Variants in UBE2E2 observed in about 807,000 individuals in gnomAD.
UBE2E2 encodes ubiquitin-conjugating enzyme E2 E2.
UBE2E2 carries 6 observed loss-of-function variants against 24.7 expected under a neutral mutation model. The observed-to-expected ratio is 0.24, with a 90% CI of 0.13 to 0.48. The LOEUF (loss-of-function observed/expected upper bound fraction) is 0.48. Ranked by LOEUF, UBE2E2 falls within the 20% of genes least tolerant of loss-of-function variation. UBE2E2 has a pLI of 0.99. For synonymous variants in UBE2E2, 104 were observed against 83.6 expected (o/e 1.24, Z -1.33); for missense variants, 169 against 245.0 (o/e 0.69, Z 2.07).
chr3:23,520,988 T>G (rs1694850553), intron 4 of UBE2E2, among the ~76,000 whole-genome samples: 1 of 152,184 alleles, frequency 6.6e-6, no homozygotes, highest in South Asian at 2.1e-4. Context: ...ACTTCTACAC[T>G]TTTGTAGGCT....
At chr3:23,515,559 C>T (rs1023773784) in intron 4 of UBE2E2, among the ~76,000 whole-genome samples, 2 of 152,042 alleles carry the variant, frequency 1.3e-5, no homozygotes, top group African/African-American at 2.4e-5. Flanking sequence ...CCTGGCAATT[C>T]GATTAGTATG....
At chr3:23,493,446 A>G (rs1444901904) in intron 3 of UBE2E2, among the ~76,000 whole-genome samples, 1 of 152,162 alleles carries the variant, frequency 6.6e-6, no homozygotes, top group East Asian at 1.9e-4. Context: ...GCCAAATCGT[A>G]ATTTGCTGAT....
chr3:23,232,570 C>A (rs1205492735), intron 3 of UBE2E2, among the ~76,000 whole-genome samples: 1 of 152,060 alleles, frequency 6.6e-6, no homozygotes, highest in Non-Finnish European at 1.5e-5. Flanking sequence ...CTTGCATCCT[C>A]AAAAATTGAA....
intron 3 of UBE2E2, among the ~76,000 whole-genome samples, chr3:23,376,183 G>C (rs1246427015): frequency 6.6e-6 from 1 of 152,078 alleles, no homozygotes; most frequent in African/African-American, 2.4e-5. Flanking sequence ...TTTCAGGTGG[G>C]CCACTATCTA....
At chr3:23,216,993 A>G (rs1337640811) in intron 2 of UBE2E2, among the ~76,000 whole-genome samples, 1 of 152,130 alleles carries the variant, frequency 6.6e-6, no homozygotes, top group East Asian at 1.9e-4. Flanking sequence ...AGCTTTAGAA[A>G]TTTTAATTAG....
intron 3 of UBE2E2, among the ~76,000 whole-genome samples, chr3:23,218,392 C>G (rs919086023): frequency 1.3e-5 from 2 of 151,960 alleles, no homozygotes; most frequent in Non-Finnish European, 2.9e-5. Context: ...TTTTGTCACT[C>G]TTAGGACTGT....
intron 3 of UBE2E2, among the ~76,000 whole-genome samples, chr3:23,443,947 A>C (rs1698364390): frequency 6.6e-6 from 1 of 152,140 alleles, no homozygotes; most frequent in Admixed American, 6.5e-5. Context: ...ACTGTCCGAA[A>C]GACTTTAGAC....
intron 3 of UBE2E2, among the ~76,000 whole-genome samples, chr3:23,289,339 ATACTT>A (rs1559334567): frequency 6.6e-6 from 1 of 152,214 alleles, no homozygotes; most frequent in Non-Finnish European, 1.5e-5. Flanking sequence ...GAAATCTTTT[ATACTT>A]TAAAGTTGAG....
intron 3 of UBE2E2, among the ~76,000 whole-genome samples, chr3:23,355,370 TATA>T (rs1208939255): frequency 2.6e-5 from 4 of 152,148 alleles, no homozygotes; most frequent in Non-Finnish European, 4.4e-5. Context: ...AAACTTAAAG[TATA>T]ATAATAATGA....
chr3:23,217,720 A>G (rs1482445009), intron 3 of UBE2E2, among the ~76,000 whole-genome samples: 1 of 152,072 alleles, frequency 6.6e-6, no homozygotes, highest in African/African-American at 2.4e-5. Flanking sequence ...AGACACATTA[A>G]ACAGTGTTTC....
At chr3:23,310,099 GAT>G (rs1377521531) in intron 3 of UBE2E2, among the ~76,000 whole-genome samples, 2 of 152,082 alleles carry the variant, frequency 1.3e-5, no homozygotes, top group Non-Finnish European at 2.9e-5. Flanking sequence ...TGAAGGGAGA[GAT>G]ATCACAGAAT....
intron 3 of UBE2E2, among the ~76,000 whole-genome samples, chr3:23,292,178 C>G (rs1047009694): frequency 6.6e-6 from 1 of 151,964 alleles, no homozygotes; most frequent in Non-Finnish European, 1.5e-5. Context: ...GGGGTTTTGC[C>G]GTGTTGCCTA....
At chr3:23,236,842 G>A (rs1697126816) in intron 3 of UBE2E2, among the ~76,000 whole-genome samples, 1 of 152,044 alleles carries the variant, frequency 6.6e-6, no homozygotes, top group Non-Finnish European at 1.5e-5. Flanking sequence ...TGTGTGCAGA[G>A]GCCAAATAGT....
Position 23,257,749 on chromosome 3 carries a change from C to T in UBE2E2, c.227+40437C>T, listed in dbSNP as rs1452601991. Among the ~76,000 whole-genome samples, 3 of 151,838 alleles carry T rather than the reference C, an allele frequency of 2.0e-5. No homozygotes were observed. The East Asian group carries it at 5.8e-4, about 29-fold the overall frequency. On this transcript the variant is annotated intron_variant, in intron 3 of 5. Transcript: ENST00000396703. The stretch of plus-strand genomic sequence containing the variant: ...AGTCATATTAAAATTACTTTTATCT[C>T]TCTCTCTCTTAATTTGGAGAAAATA...
At chr3:23,225,164 G>GT (rs150399932) in intron 3 of UBE2E2, among the ~76,000 whole-genome samples, 2,262 of 150,808 alleles carry the variant, frequency 0.015, 52 homozygotes, top group African/African-American at 0.05. Flanking sequence ...AATTGTAAGA[G>GT]TTTTTTCAAA....
intron 4 of UBE2E2, among the ~76,000 whole-genome samples, chr3:23,516,544 A>G (rs1432675275): frequency 6.6e-6 from 1 of 152,192 alleles, no homozygotes; most frequent in East Asian, 1.9e-4. Flanking sequence ...ATAGCAGTCA[A>G]CAGTGTTTAG....
chr3:23,540,388 T>TTTGTTTGTTTG lies in UBE2E2; in HGVS notation c.508+7689_508+7690insGTTTGTTTGTT, dbSNP rs1553619292. Among the ~76,000 whole-genome samples, 140 of 148,360 alleles carry TTTGTTTGTTTG rather than the reference T, an allele frequency of 9.4e-4. 1 individual carries two copies. The highest frequency in any genetic ancestry group is 3.4e-3 in the Middle Eastern group (1 of 294). Reference sequence around the variant, plus strand: ...AGCCACTGAGTAAAGTTTGATGCCCTTTTGTTTGTTTGTTTGTTTGTTTGT... The same window carrying TTTGTTTGTTTG: ...AGCCACTGAGTAAAGTTTGATGCCCTTTGTTTGTTTGTTTGTTTGTTTGTTTGTTTGTTTGT... On this transcript the variant is annotated intron_variant, in intron 5 of 5. Coordinates refer to ENST00000396703, the MANE Select transcript of UBE2E2 (RefSeq NM_152653.4).
At chr3:23,375,054 T>G (rs1444961918) in intron 3 of UBE2E2, among the ~76,000 whole-genome samples, 1 of 152,168 alleles carries the variant, frequency 6.6e-6, no homozygotes, top group South Asian at 2.1e-4. Context: ...TCTGTGCTTT[T>G]ATTCGTATTT....
chr3:23,338,005 G>A (rs578200882), intron 3 of UBE2E2, among the ~76,000 whole-genome samples: 4 of 152,284 alleles, frequency 2.6e-5, no homozygotes, highest in African/African-American at 4.8e-5. Flanking sequence ...AGGGAGAAAA[G>A]TGGGCAGTCT....
Sources: gnomAD v4.1 joint callset for allele counts (sites outside exome capture counted in the v4.1 genomes callset) on GRCh38, gnomAD v4.1.1 for gene constraint, MANE v1.5 for transcripts, NCBI Gene and HGNC (gene_info 2026-07-23, HGNC 2026-07-21) for gene names.